The following LRP2 variants were observed in gnomAD, a reference collection of about 807,000 sequenced individuals.
LRP2 encodes LDL receptor related protein 2, also known as low-density lipoprotein receptor-related protein 2.
In LRP2, 172 loss-of-function variants were observed where a neutral mutation model predicts 531.0. That is an observed-to-expected ratio of 0.32 (90% CI 0.29 to 0.37). The LOEUF (loss-of-function observed/expected upper bound fraction) is 0.37, where lower values mean the gene tolerates loss of function less well. LRP2 is among the 10% of genes least tolerant of loss of function. The pLI, the probability that LRP2 is intolerant of heterozygous loss-of-function variation, is 1.00. For synonymous variants in LRP2, 1,992 were observed against 2,027.6 expected (o/e 0.98, Z 0.47); for missense variants, 5,167 against 5,868.3 (o/e 0.88, Z 3.90).
In LRP2 at chr2:169,362,336, G is replaced by A. The variant is rs759114383; in HGVS notation, c.64C>T (p.Pro22Ser). 3.2e-6 allele frequency: 5 copies of A among 1,564,594 alleles called. No homozygotes were observed. Among genetic ancestry groups the A allele is most frequent in the Non-Finnish European group, 4.3e-6 (5 of 1,155,768 alleles). ...LLLALVACLA[P>S]ASGQECDSAH... The stretch of plus-strand genomic sequence containing the variant: ...GGGCTCTTACCTTGGCCACTGGCCG[G>A]CGCTAGGCAGGCGACGAGAGCCAGG... The change falls in exon 1 of 79, where the codon CCG (proline) becomes TCG (serine). Residue 22 changes from proline to serine, a missense_variant. Coordinates refer to ENST00000649046, the MANE Select transcript of LRP2 (RefSeq NM_004525.3).
At position 169,137,465 on chromosome 2, in the gene LRP2, T is replaced by C; in HGVS notation, c.13547A>G (p.Lys4516Arg). 6.2e-7 allele frequency: 1 copy of C among 1,613,242 alleles called. No individual in the cohort carries two copies. The highest frequency in any genetic ancestry group is 1.1e-5 in the South Asian group (1 of 91,062). ...MSEDFVMEMG[K>R]QPIIFENPMY... ...TGGGTTTTCAAATATTATGGGCTGCTTCCCCATTTCCATGACAAAGTCTTC... is the reference window on the plus strand; with the variant it reads ...TGGGTTTTCAAATATTATGGGCTGCCTCCCCATTTCCATGACAAAGTCTTC... The change falls in exon 76 of 79, where the codon AAG (lysine) becomes AGG (arginine). Residue 4516 changes from lysine to arginine, a missense_variant. Transcript: ENST00000649046.
chr2:169,166,199 T>C, intron 61 of LRP2, 145 bp from the exon 62 acceptor site: 3 of 784,404 alleles, frequency 3.8e-6, no homozygotes, highest in Non-Finnish European at 6.5e-6. Context: ...AGATACACCT[T>C]ACATGTATAG....
At chr2:169,306,363 A>G (rs1465813676) in intron 4 of LRP2, among the ~76,000 whole-genome samples, 1 of 152,020 alleles carries the variant, frequency 6.6e-6, no homozygotes, top group Non-Finnish European at 1.5e-5. Flanking sequence ...GTGAAATGCC[A>G]TCTCTACTAA....
chr2:169,176,465 G>A lies in LRP2; in HGVS notation c.10517C>T (p.Thr3506Ile). ...DFRTLQLSGS[T>I]YCMPMCSSTQ... is the part of the protein sequence containing the mutation. ...GCTGGAGCACATGGGCATGCAGTAG[G>A]TGCTGCCACTCAGCTGAAGGGTGCG... Residue 3506 changes from threonine to isoleucine, a missense_variant, in exon 54 of 79, where the codon ACC becomes ATC. By Grantham distance (89) the Thr-to-Ile change is moderately conservative. Transcript: ENST00000649046. 2 of 1,614,188 alleles carry A rather than the reference G, an allele frequency of 1.2e-6. No individual in the cohort carries two copies. The highest frequency in any genetic ancestry group is 2.2e-5 in the East Asian group (1 of 44,882).
At chr2:169,263,306 G>T (rs1690648108) in intron 16 of LRP2, among the ~76,000 whole-genome samples, 1 of 152,018 alleles carries the variant, frequency 6.6e-6, no homozygotes, top group African/African-American at 2.4e-5. Flanking sequence ...CAGTGAACAG[G>T]CAACCCACAA....
Position 169,176,463 on chromosome 2 carries a change from A to G in LRP2, c.10519T>C (p.Tyr3507His). 1.2e-6 allele frequency: 2 copies of G among 1,614,208 alleles called. No individual in the cohort carries two copies. Among genetic ancestry groups the G allele is most frequent in the Non-Finnish European group, 1.7e-6 (2 of 1,180,026 alleles). The change falls in exon 54 of 79, where the codon TAC (tyrosine) becomes CAC (histidine). Residue 3507 changes from tyrosine (Y) to histidine (H), a missense_variant. By Grantham distance (83) the Tyr-to-His change is moderately conservative. Transcript: ENST00000649046. Reference sequence around the variant, plus strand: ...GTGCTGGAGCACATGGGCATGCAGTAGGTGCTGCCACTCAGCTGAAGGGTG... The same window carrying G: ...GTGCTGGAGCACATGGGCATGCAGTGGGTGCTGCCACTCAGCTGAAGGGTG... ...FRTLQLSGST[Y>H]CMPMCSSTQF...
chr2:169,290,739 G>T, intron 8 of LRP2, 106 bp downstream of exon 8: 2 of 1,206,136 alleles, frequency 1.7e-6, no homozygotes, highest in South Asian at 1.3e-5. Context: ...AAGTCTTGGG[G>T]TGCTTTGTTA....
chr2:169,128,324 A>G lies in LRP2; in HGVS notation c.*339T>C, dbSNP rs1254279694. The G allele has an allele frequency of 2.8e-5, 6 of 214,572 alleles. No individual in the cohort carries two copies. Among genetic ancestry groups the G allele is most frequent in the Admixed American group, 5.4e-5 (1 of 18,480 alleles). 13.3% of individuals were successfully genotyped at this position (214,572 alleles called of 1,614,324 possible). The stretch of plus-strand genomic sequence containing the variant: ...AGTCAATTCCTTTTCTTGTTGGATC[A>G]TTTACTATAATGATCACCAACCAAA... On this transcript the variant is annotated 3_prime_UTR_variant, in exon 79 of 79. Coordinates refer to ENST00000649046, the MANE Select transcript of LRP2 (RefSeq NM_004525.3).
At chr2:169,175,891 C>T (rs1687174077) in intron 54 of LRP2, among the ~76,000 whole-genome samples, 1 of 152,218 alleles carries the variant, frequency 6.6e-6, no homozygotes, top group Admixed American at 6.5e-5. Context: ...ATGCCTCTCT[C>T]CATGCCACTC....
chr2:169,208,854 C>G (rs1477729526), intron 38 of LRP2, among the ~76,000 whole-genome samples: 1 of 151,936 alleles, frequency 6.6e-6, no homozygotes, highest in East Asian at 1.9e-4. Flanking sequence ...CATATAATAC[C>G]ACTAATTATG....
chr2:169,187,069 TTC>T (rs1687659510), intron 49 of LRP2, among the ~76,000 whole-genome samples: 1 of 152,176 alleles, frequency 6.6e-6, no homozygotes. Context: ...TTAAATTTTT[TTC>T]TTTTTTTTTC....
chr2:169,327,270 G>A (rs1270767349), intron 1 of LRP2, among the ~76,000 whole-genome samples: 9 of 109,616 alleles, frequency 8.2e-5, no homozygotes, highest in African/African-American at 1.3e-4. Flanking sequence ...AGGTGGGGGG[G>A]TCAGCCCCCC....
intron 62 of LRP2, among the ~76,000 whole-genome samples, chr2:169,164,611 G>T (rs936003580): frequency 2.0e-5 from 3 of 152,128 alleles, no homozygotes; most frequent in South Asian, 4.1e-4. Flanking sequence ...CTCCTGCCTT[G>T]GCAACCTTGA....
rs1269841555 is a variant in LRP2, at chr2:169,146,747, G to T, written c.12803C>A (p.Ala4268Glu). The change falls in exon 69 of 79, where the codon GCA (alanine) becomes GAA (glutamate). Residue 4268 changes from alanine (A) to glutamate (E), a missense_variant. Around this residue, in one of 6 missense-constraint regions of LRP2, gnomAD observed 564 missense variants for 747.7 expected, o/e 0.75. Transcript: ENST00000649046. Reference sequence around the variant, plus strand: ...TCTAACTAATTTCTAACCTTCCTTTGCAATGACTCTCCTATCAGTCCCATC... The same window carrying T: ...TCTAACTAATTTCTAACCTTCCTTTTCAATGACTCTCCTATCAGTCCCATC... ...KYDGTDRRVI[A>E]KEAMNPYSLD... 1 of 1,610,426 alleles carries T rather than the reference G, an allele frequency of 6.2e-7. No individual in the cohort carries two copies. The highest frequency in any genetic ancestry group is 2.2e-5 in the East Asian group (1 of 44,868).
rs751796627 is a variant in LRP2 at position 169,128,651 on chromosome 2, T to G, written c.*12A>C. ...AGTGTGTTTCTAATTATTCCCTAAATAGCTGGTATAGCTATACTTCAGAGT... is the reference window on the plus strand; with the variant it reads ...AGTGTGTTTCTAATTATTCCCTAAAGAGCTGGTATAGCTATACTTCAGAGT... On this transcript the variant is annotated 3_prime_UTR_variant, in exon 79 of 79. Coordinates refer to ENST00000649046, the MANE Select transcript of LRP2 (RefSeq NM_004525.3). The G allele has an allele frequency of 1.9e-6, 3 of 1,612,488 alleles. No individual in the cohort carries two copies. Among genetic ancestry groups the G allele is most frequent in the Non-Finnish European group, 2.5e-6 (3 of 1,178,498 alleles).
intron 6 of LRP2, among the ~76,000 whole-genome samples, chr2:169,292,987 A>G (rs917577996): frequency 2.0e-5 from 3 of 152,180 alleles, no homozygotes; most frequent in Non-Finnish European, 4.4e-5. Context: ...CTATGACCAA[A>G]TGATTCTGAG....
At chr2:169,269,199 A>AGC (rs1163219705) in intron 16 of LRP2, among the ~76,000 whole-genome samples, 1 of 152,184 alleles carries the variant, frequency 6.6e-6, no homozygotes, top group Non-Finnish European at 1.5e-5. Flanking sequence ...TATAGATTCA[A>AGC]TGCCATCCCC....
intron 58 of LRP2, among the ~76,000 whole-genome samples, chr2:169,171,687 T>C (rs1309253968): frequency 1.3e-5 from 2 of 152,214 alleles, no homozygotes; most frequent in Non-Finnish European, 2.9e-5. Context: ...TCTATTCTAT[T>C]TATCTTATTA....
At chr2:169,323,404 A>G (rs1010652484) in intron 1 of LRP2, among the ~76,000 whole-genome samples, 1 of 152,206 alleles carries the variant, frequency 6.6e-6, no homozygotes, top group Admixed American at 6.5e-5. Flanking sequence ...TCAGAAGCTC[A>G]TTCTCTCATA....
Sources: gnomAD v4.1 joint callset for allele counts (sites outside exome capture counted in the v4.1 genomes callset) on GRCh38, gnomAD v4.1.1 for gene constraint, gnomAD v4.1.1 regional missense constraint, MANE v1.5 for transcripts, NCBI Gene and HGNC (gene_info 2026-07-23, HGNC 2026-07-21) for gene names.